The following LRRC56 variants were observed in gnomAD, a reference collection of about 807,000 sequenced individuals.
LRRC56 encodes leucine-rich repeat-containing protein 56.
A neutral mutation model predicts 47.8 loss-of-function variants in LRRC56; 41 were observed. The observed-to-expected ratio is 0.86, with a 90% CI of 0.67 to 1.11. The LOEUF is 1.11. Among genes scored for constraint, LRRC56 ranks in the 50% most tolerant of loss-of-function variants. LRRC56 has a pLI of 0.00. For synonymous variants in LRRC56, 387 were observed against 311.2 expected, an observed-to-expected ratio of 1.24 and a Z score of -2.56; for missense variants, 759 against 704.2, an observed-to-expected ratio of 1.08 and a Z score of -0.88.
intron 6 of LRRC56, among the ~76,000 whole-genome samples, chr11:546,993 G>A (rs572259485): frequency 6.6e-6 from 1 of 152,102 alleles, no homozygotes; most frequent in South Asian, 2.1e-4. Context: ...GGAGGCGGAG[G>A]TTGCAGTAAG....
At chr11:518,274 C>T in the LRRC56 span, among the ~76,000 whole-genome samples, 22 of 151,994 alleles carry the variant, frequency 1.4e-4, no homozygotes, top group Admixed American at 3.3e-4. Context: ...CTCCGCCTCC[C>T]GGGTTCACGC....
chr11:533,864 G>A (rs2133990881), upstream of LRRC56: 1 of 1,613,310 alleles, frequency 6.2e-7, no homozygotes, highest in Non-Finnish European at 8.5e-7. Context: ...GCATGGCGCT[G>A]TACTCCTCCT....
chr11:551,297 C>T lies in LRRC56; in HGVS notation c.791C>T (p.Pro264Leu), dbSNP rs564607547. Residue 264 changes from proline (P) to leucine (L), a missense_variant, in exon 9 of 14, where the codon CCG (proline) becomes CTG (leucine). Pro to Leu is a moderately conservative substitution (Grantham distance 98). Coordinates refer to ENST00000270115, the MANE Select transcript of LRRC56 (RefSeq NM_198075.4). ...EAIKKGNGLPPLDCPRGAPIR... is the reference protein window; with the variant it reads ...EAIKKGNGLPLLDCPRGAPIR... ...ATCAAGAAGGGCAACGGCCTTCCCC[C>T]GCTGGGTACGGCAGCTGCGCCCGGA... The T allele has an allele frequency of 9.9e-6, 15 of 1,519,488 alleles. No homozygotes were observed. The highest frequency in any genetic ancestry group is 1.7e-4 in the Middle Eastern group (1 of 5,862). The allele number at this position is 1,519,488 out of a possible 1,614,324, so 94.1% of individuals were successfully genotyped here.
At chr11:517,081 C>T in the LRRC56 span, among the ~76,000 whole-genome samples, 5 of 152,260 alleles carry the variant, frequency 3.3e-5, no homozygotes, top group African/African-American at 7.2e-5. Context: ...GGCTCCTGAC[C>T]TCCAATGGTC....
intron 6 of LRRC56, among the ~76,000 whole-genome samples, chr11:545,820 A>G (rs1852046323): frequency 6.6e-6 from 1 of 152,206 alleles, no homozygotes; most frequent in Admixed American, 6.5e-5. Flanking sequence ...AAGGCAGGGG[A>G]ATTCCAGGCA....
chr11:544,177 C>A (rs1165791160), intron 5 of LRRC56, among the ~76,000 whole-genome samples: 1 of 152,176 alleles, frequency 6.6e-6, no homozygotes. Flanking sequence ...CAGGCTGGGG[C>A]GTGCAGTGAT....
At chr11:508,904 G>C in the LRRC56 span, among the ~76,000 whole-genome samples, 2 of 152,092 alleles carry the variant, frequency 1.3e-5, no homozygotes, top group Non-Finnish European at 2.9e-5. Flanking sequence ...ACTTAGCCAG[G>C]CATGGTGGTG....
chr11:540,999 G>A, intron 4 of LRRC56, 138 bp downstream of exon 4: 1 of 751,024 alleles, frequency 1.3e-6, no homozygotes, highest in Non-Finnish European at 2.1e-6. Context: ...CCTCAGCCCA[G>A]CCCCTGCAGC....
chr11:508,030 GGTTTTCTTTAA>G, the LRRC56 span, among the ~76,000 whole-genome samples: 5 of 152,226 alleles, frequency 3.3e-5, no homozygotes, highest in Non-Finnish European at 5.9e-5. Flanking sequence ...CACAAAAGTG[GGTTTTCTTTAA>G]GTTTTTGACT....
chr11:518,902 C>T, the LRRC56 span, among the ~76,000 whole-genome samples: 3 of 150,482 alleles, frequency 2.0e-5, no homozygotes, highest in Admixed American at 1.3e-4. Flanking sequence ...GGGACCGGGG[C>T]GGGGGGGCGT....
chr11:527,698 A>ATTT, the LRRC56 span, among the ~76,000 whole-genome samples: 6,298 of 111,412 alleles, frequency 0.057, 291 homozygotes, highest in East Asian at 0.12. Flanking sequence ...CGCCCGGCTA[A>ATTT]TTTTTTTTTT....
At chr11:535,584 C>A (rs1378667635), upstream of LRRC56, 3 of 150,086 alleles carry the variant, frequency 2.0e-5, no homozygotes, top group Non-Finnish European at 4.5e-5. Context: ...CCTGCGCACG[C>A]CCCGCCCCGC....
chr11:536,962 G>A (rs947360601), upstream of LRRC56: 2 of 152,244 alleles, frequency 1.3e-5, no homozygotes, highest in African/African-American at 2.4e-5. Context: ...CGAGTGAGAA[G>A]CGGCGACTGG....
chr11:551,373 G>C, intron 9 of LRRC56, 71 bp downstream of exon 9: 1 of 1,063,300 alleles, frequency 9.4e-7, no homozygotes, highest in African/African-American at 1.6e-5. Flanking sequence ...CCCACCCCAG[G>C]CTTCTCAGAA....
upstream of LRRC56, chr11:533,380 G>A (rs1023131023): frequency 2.5e-6 from 4 of 1,606,862 alleles, no homozygotes; most frequent in Non-Finnish European, 3.4e-6. Flanking sequence ...GAGAGGGTCA[G>A]TGAGTGCTGC....
upstream of LRRC56, chr11:532,685 G>A: frequency 6.2e-7 from 1 of 1,613,166 alleles, no homozygotes; most frequent in Non-Finnish European, 8.5e-7. Context: ...ACTCTCATCA[G>A]GAGGGTTCAG....
the LRRC56 span, chr11:528,341 A>G: frequency 6.6e-6 from 1 of 152,178 alleles, no homozygotes; most frequent in Non-Finnish European, 1.5e-5. Context: ...CACACAGGTG[A>G]GTCCCCCACC....
At chr11:542,437 C>T (rs912768049) in intron 5 of LRRC56, among the ~76,000 whole-genome samples, 1 of 151,924 alleles carries the variant, frequency 6.6e-6, no homozygotes, top group African/African-American at 2.4e-5. Context: ...ATAGCAAGAC[C>T]CCTGTGTCTA....
chr11:533,854 G>C (rs1370690781), upstream of LRRC56: 2 of 1,613,308 alleles, frequency 1.2e-6, no homozygotes, highest in Non-Finnish European at 1.7e-6. Flanking sequence ...TACTGGTCCC[G>C]CATGGCGCTG....
Sources: allele counts gnomAD v4.1 joint callset (sites outside exome capture counted in the v4.1 genomes callset), GRCh38; gene constraint gnomAD v4.1.1; transcripts MANE v1.5; gene names NCBI Gene and HGNC (gene_info 2026-07-23, HGNC 2026-07-21).